The following FNDC3B variants were observed in gnomAD, a reference collection of about 807,000 sequenced individuals.
FNDC3B encodes the protein fibronectin type III domain-containing protein 3B.
FNDC3B carries 12 observed loss-of-function variants against 151.5 expected under a neutral mutation model. The observed-to-expected ratio is 0.08, with a 90% CI of 0.05 to 0.13. The LOEUF (loss-of-function observed/expected upper bound fraction) is 0.13, where lower values mean the gene tolerates loss of function less well. Among genes scored for constraint, FNDC3B ranks in the 10% least tolerant of loss-of-function variants. FNDC3B has a pLI of 1.00. For missense variants in FNDC3B, 1,214 were observed against 1,505.3 expected (o/e 0.81, Z 3.20); for synonymous variants, 528 against 549.0 (o/e 0.96, Z 0.54).
At chr3:172,098,827 C>A (rs1289246087) in intron 1 of FNDC3B, among the ~76,000 whole-genome samples, 1 of 152,112 alleles carries the variant, frequency 6.6e-6, no homozygotes, top group Non-Finnish European at 1.5e-5. Context: ...TATAGTGGTC[C>A]ACCATCCTTG....
intron 1 of FNDC3B, among the ~76,000 whole-genome samples, chr3:172,073,358 G>C (rs1271130722): frequency 6.6e-6 from 1 of 152,208 alleles, no homozygotes; most frequent in East Asian, 1.9e-4. Flanking sequence ...CAGTTCGAAT[G>C]TAGAGACTGG....
At chr3:172,244,497 T>C (rs1345616225) in intron 4 of FNDC3B, among the ~76,000 whole-genome samples, 1 of 152,180 alleles carries the variant, frequency 6.6e-6, no homozygotes, top group East Asian at 1.9e-4. Context: ...CATAATTTCC[T>C]TAGATGTAGA....
intron 6 of FNDC3B, among the ~76,000 whole-genome samples, chr3:172,261,476 A>G (rs550591503): frequency 6.6e-6 from 1 of 152,352 alleles, no homozygotes; most frequent in East Asian, 1.9e-4. Flanking sequence ...TATACTACAA[A>G]TATGTTCATT....
chr3:172,268,467 TGA>T (rs1264631371), intron 6 of FNDC3B, among the ~76,000 whole-genome samples: 1 of 152,148 alleles, frequency 6.6e-6, no homozygotes, highest in Non-Finnish European at 1.5e-5. Flanking sequence ...TGGCCAGACC[TGA>T]GAACTCAGCT....
At chr3:172,144,242 C>G (rs1721787876) in intron 3 of FNDC3B, among the ~76,000 whole-genome samples, 1 of 152,182 alleles carries the variant, frequency 6.6e-6, no homozygotes. Context: ...TGAGAACTCA[C>G]TCATCACCAT....
intron 1 of FNDC3B, among the ~76,000 whole-genome samples, chr3:172,089,736 TCAG>T (rs1260654381): frequency 1.8e-4 from 27 of 152,228 alleles, no homozygotes; most frequent in African/African-American, 6.5e-4. Context: ...TTTGAAAATC[TCAG>T]TGTCGATTCA....
chr3:172,082,230 A>C (rs1262139279), intron 1 of FNDC3B, among the ~76,000 whole-genome samples: 5 of 152,228 alleles, frequency 3.3e-5, no homozygotes, highest in Non-Finnish European at 7.3e-5. Flanking sequence ...GGTCTGACCA[A>C]TATATGTTTT....
chr3:172,112,871 G>A (rs1399586872), intron 2 of FNDC3B, among the ~76,000 whole-genome samples: 1 of 152,224 alleles, frequency 6.6e-6, no homozygotes, highest in Non-Finnish European at 1.5e-5. Flanking sequence ...TAAAATGACT[G>A]TTTATTCATG....
At chr3:172,325,352 A>G (rs893396849) in intron 11 of FNDC3B, among the ~76,000 whole-genome samples, 2 of 152,234 alleles carry the variant, frequency 1.3e-5, no homozygotes, top group African/African-American at 4.8e-5. Flanking sequence ...CACAGCATAT[A>G]AAATATGAAA....
Position 172,142,355 on chromosome 3 carries a change from C to T in FNDC3B, c.187+8809C>T, listed in dbSNP as rs147438392. ...ATAACATGTTTAAAAGTTATGCAAT[C>T]GCAGTTTAACTCCTCAACCCTTCTG... On this transcript the variant is annotated intron_variant, in intron 3 of 25. Coordinates refer to ENST00000415807, the MANE Select transcript of FNDC3B (RefSeq NM_022763.4). 6.3e-4 allele frequency among the ~76,000 whole-genome samples: 96 copies of T among 152,306 alleles called. 1 individual carries two copies. Among genetic ancestry groups the T allele is most frequent in the African/African-American group, 4.6e-4 (19 of 41,566 alleles).
intron 3 of FNDC3B, among the ~76,000 whole-genome samples, chr3:172,149,824 T>G (rs1165515206): frequency 3.9e-5 from 5 of 129,792 alleles, no homozygotes; most frequent in Admixed American, 7.9e-5. Flanking sequence ...TTTTTTTTTT[T>G]TTTTTTTTTT....
At chr3:172,203,430 G>C (rs1375512467) in intron 3 of FNDC3B, among the ~76,000 whole-genome samples, 1 of 152,154 alleles carries the variant, frequency 6.6e-6, no homozygotes, top group Non-Finnish European at 1.5e-5. Flanking sequence ...ATGACATTGA[G>C]GATTTGGTGA....
chr3:172,319,214 T>C (rs767093044), intron 11 of FNDC3B, among the ~76,000 whole-genome samples: 2 of 152,222 alleles, frequency 1.3e-5, no homozygotes, highest in Admixed American at 6.5e-5. Context: ...GAAGACTGCC[T>C]TGGGCCTTCA....
intron 1 of FNDC3B, among the ~76,000 whole-genome samples, chr3:172,108,093 A>C (rs1719750826): frequency 6.6e-6 from 1 of 151,902 alleles, no homozygotes; most frequent in Admixed American, 6.6e-5. Context: ...GCTTGAACCC[A>C]GGAGGCGGAG....
At chr3:172,068,635 G>A (rs953027755) in intron 1 of FNDC3B, among the ~76,000 whole-genome samples, 1 of 152,088 alleles carries the variant, frequency 6.6e-6, no homozygotes, top group Admixed American at 6.5e-5. Flanking sequence ...ATGTTGGCTA[G>A]GCTAGTCTCA....
intron 3 of FNDC3B, among the ~76,000 whole-genome samples, chr3:172,142,419 C>T (rs1243491234): frequency 6.6e-6 from 1 of 152,226 alleles, no homozygotes; most frequent in Non-Finnish European, 1.5e-5. Flanking sequence ...AATGTCATCT[C>T]TGAAGGTACC....
At chr3:172,114,154 G>A (rs1720126998) in intron 2 of FNDC3B, among the ~76,000 whole-genome samples, 1 of 152,180 alleles carries the variant, frequency 6.6e-6, no homozygotes, top group African/African-American at 2.4e-5. Flanking sequence ...CAGTCATGCT[G>A]CCTGGCTGCC....
Position 172,100,821 on chromosome 3 carries a change from A to G in FNDC3B, c.-28-11631A>G, listed in dbSNP as rs1292767944. On this transcript the variant is annotated intron_variant, in intron 1 of 25. Coordinates refer to ENST00000415807, the MANE Select transcript of FNDC3B (RefSeq NM_022763.4). ...AAATAACTTGCCTTTAGTTAATAAA[A>G]AACAGTTCTAAACTGATTTTCAATG... is the stretch of plus-strand genomic sequence containing the variant. Among the ~76,000 whole-genome samples the G allele has an allele frequency of 3.3e-5, 5 of 152,238 alleles. No individual in the cohort carries two copies. The East Asian group carries it at 9.6e-4, about 29-fold the overall frequency.
intron 13 of FNDC3B, 58 bp from the exon 14 acceptor site, chr3:172,333,031 G>T: frequency 9.6e-7 from 1 of 1,038,798 alleles, no homozygotes; most frequent in Non-Finnish European, 1.5e-6. Context: ...TGTATTCAAA[G>T]GTATTTAATG....
Sources: gnomAD v4.1 joint callset for allele counts (sites outside exome capture counted in the v4.1 genomes callset) on GRCh38, gnomAD v4.1.1 for gene constraint, MANE v1.5 for transcripts, NCBI Gene and HGNC (gene_info 2026-07-23, HGNC 2026-07-21) for gene names.